Variants in HSPA4L observed in about 807,000 individuals in gnomAD.
HSPA4L encodes the protein heat shock protein family A (Hsp70) member 4 like.
A neutral mutation model predicts 100.3 loss-of-function variants in HSPA4L; 48 were observed. That is an observed-to-expected ratio of 0.48 (90% CI 0.38 to 0.61). HSPA4L has a LOEUF of 0.61. Among genes scored for constraint, HSPA4L ranks in the 20% least tolerant of loss-of-function variants. HSPA4L has a pLI of 0.00. For synonymous variants in HSPA4L, 319 were observed against 328.2 expected (o/e 0.97, Z 0.30); for missense variants, 886 against 988.6 (o/e 0.90, Z 1.39).
chr4:127,814,296 G>A (rs777843648), intron 12 of HSPA4L, among the ~76,000 whole-genome samples: 8 of 152,260 alleles, frequency 5.3e-5, no homozygotes, highest in Non-Finnish European at 1.0e-4. Flanking sequence ...GATAGGTGAT[G>A]TGTTCCTTAA....
intron 17 of HSPA4L, 98 bp from the exon 18 acceptor site, chr4:127,830,540 G>C: frequency 2.3e-6 from 2 of 867,644 alleles, no homozygotes; most frequent in Non-Finnish European, 3.4e-6. Flanking sequence ...GAGATATACA[G>C]TCAATAAGAG....
chr4:127,794,266 TTG>T (rs1732959539), intron 2 of HSPA4L, 132 bp downstream of exon 2: 1 of 535,648 alleles, frequency 1.9e-6, no homozygotes, highest in East Asian at 3.2e-5. Context: ...CATCTTTGTT[TTG>T]TTTTGTTTTG....
In HSPA4L at chr4:127,820,571, T is replaced by C. The variant is rs771622853; in HGVS notation, c.1812+6T>C. ...ACAGCTACATTGAAAATGAGGTATG[T>C]AAATCTGAGTTGATGCTGAAATAGG... On this transcript the variant is annotated splice_donor_region_variant and intron_variant, in intron 14 of 18. Coordinates refer to ENST00000296464, the MANE Select transcript of HSPA4L (RefSeq NM_014278.4). 1 of 1,591,496 alleles carries C rather than the reference T, an allele frequency of 6.3e-7. No individual in the cohort carries two copies. The highest frequency in any genetic ancestry group is 1.8e-5 in the Admixed American group (1 of 54,520).
intron 11 of HSPA4L, among the ~76,000 whole-genome samples, chr4:127,810,635 T>C (rs1457515346): frequency 1.3e-5 from 2 of 152,062 alleles, no homozygotes; most frequent in African/African-American, 4.8e-5. Flanking sequence ...ACCATGCACC[T>C]GTAGTCCCCG....
chr4:127,803,608 T>A (rs1733256290), intron 6 of HSPA4L, 21 bp from the exon 7 acceptor site: 1 of 1,545,234 alleles, frequency 6.5e-7, no homozygotes, highest in African/African-American at 1.4e-5. Flanking sequence ...AAAATACAGT[T>A]CTGCTTTTTC....
chr4:127,793,085 T>C (rs1208810162), intron 1 of HSPA4L, among the ~76,000 whole-genome samples: 6 of 152,160 alleles, frequency 3.9e-5, no homozygotes, highest in African/African-American at 1.2e-4. Context: ...TAGGGCACCA[T>C]TGGAGGATTA....
At position 127,840,096 on chromosome 4, in the gene HSPA4L, CTGTA is replaced by C. The variant is rs950939767; in HGVS notation, c.*7223_*7226del. On this transcript the variant is annotated 3_prime_UTR_variant, in exon 19 of 19. Transcript: ENST00000296464. The stretch of plus-strand genomic sequence containing the variant: ...TTAGCGGGGCCATGGTGACGTGCAC[CTGTA>C]ATCCCAGCTACTCGGGAGGCTGAGG... 1 of 152,154 alleles carries C rather than the reference CTGTA, an allele frequency of 6.6e-6. No homozygotes were observed. The highest frequency in any genetic ancestry group is 1.5e-5 in the Non-Finnish European group (1 of 68,084). 9.4% of individuals were successfully genotyped at this position (152,154 alleles called of 1,614,324 possible).
Position 127,805,814 on chromosome 4 carries a change from T to C in HSPA4L, c.1244+21T>C, listed in dbSNP as rs746183485. ...AGTGGGTAAGTTATTTTTAAAACCTTGATTAGAGCTTGTCATAAATCTTTA... is the reference window on the plus strand; with the variant it reads ...AGTGGGTAAGTTATTTTTAAAACCTCGATTAGAGCTTGTCATAAATCTTTA... On this transcript the variant is annotated intron_variant, in intron 10 of 18. Coordinates refer to ENST00000296464, the MANE Select transcript of HSPA4L (RefSeq NM_014278.4). 5 of 1,464,126 alleles carry C rather than the reference T, an allele frequency of 3.4e-6. No individual in the cohort carries two copies. In the Admixed American group the frequency reaches 6.8e-5, roughly 20 times the overall value. 90.7% of individuals were successfully genotyped at this position (1,464,126 alleles called of 1,614,324 possible). A position where few individuals can be genotyped will look rare whatever the true frequency, so the allele number is the denominator to read the frequency against.
chr4:127,788,772 A>G (rs1414719370), intron 1 of HSPA4L, among the ~76,000 whole-genome samples: 4 of 152,226 alleles, frequency 2.6e-5, no homozygotes, highest in African/African-American at 4.8e-5. Context: ...CCGACAGTGC[A>G]TTACAGTACA....
rs1257887666 is a variant in HSPA4L, at chr4:127,823,638, A to T, written c.2046+14A>T. On this transcript the variant is annotated intron_variant, in intron 16 of 18. Coordinates refer to ENST00000296464, the MANE Select transcript of HSPA4L (RefSeq NM_014278.4). ...CAAGAACTAAAGGTACATTTTTTTA[A>T]AGTCCATGTTAGTATAAACCAGTAA... The T allele has an allele frequency of 1.3e-6, 2 of 1,536,860 alleles. No homozygotes were observed. Among genetic ancestry groups the T allele is most frequent in the Non-Finnish European group, 1.8e-6 (2 of 1,110,216 alleles).
intron 14 of HSPA4L, among the ~76,000 whole-genome samples, chr4:127,821,371 T>A (rs899942097): frequency 6.6e-6 from 1 of 152,160 alleles, no homozygotes; most frequent in African/African-American, 2.4e-5. Context: ...AACTTTTGAA[T>A]GTCTCATTAT....
intron 15 of HSPA4L, 98 bp from the exon 16 acceptor site, chr4:127,823,419 G>T: frequency 2.6e-6 from 2 of 775,964 alleles, no homozygotes; most frequent in Non-Finnish European, 4.2e-6. Context: ...AAAGTGTTGG[G>T]ATTACAGGCA....
Position 127,823,628 on chromosome 4 carries a change from C to CCCCGTCTCTACTAAAAATACAAAAA in HSPA4L, c.2046+4_2046+5insCCCGTCTCTACTAAAAATACAAAAA. The CCCCGTCTCTACTAAAAATACAAAAA allele has an allele frequency of 1.3e-6, 2 of 1,590,638 alleles. No homozygotes were observed. Among genetic ancestry groups the CCCCGTCTCTACTAAAAATACAAAAA allele is most frequent in the Non-Finnish European group, 1.7e-6 (2 of 1,159,440 alleles). On this transcript the variant is annotated splice_donor_region_variant and intron_variant, in intron 16 of 18. Coordinates refer to ENST00000296464, the MANE Select transcript of HSPA4L (RefSeq NM_014278.4). ...GGATAAGCTTCAAGAACTAAAGGTA[C>CCCCGTCTCTACTAAAAATACAAAAA]ATTTTTTTAAAGTCCATGTTAGTAT...
intron 11 of HSPA4L, chr4:127,809,350 A>G (rs1733461413): frequency 2.6e-6 from 3 of 1,141,778 alleles, no homozygotes; most frequent in East Asian, 2.3e-5. Flanking sequence ...GAGCCGCAGT[A>G]TATTGCAGCC....
intron 1 of HSPA4L, among the ~76,000 whole-genome samples, chr4:127,782,937 G>T (rs985019924): frequency 6.6e-6 from 1 of 152,120 alleles, no homozygotes; most frequent in African/African-American, 2.4e-5. Context: ...TCGTGCCGCT[G>T]TCCCCCAACG....
Position 127,801,134 on chromosome 4 carries a change from C to T in HSPA4L, c.430-4C>T. On this transcript the variant is annotated splice_polypyrimidine_tract_variant and splice_region_variant and intron_variant, in intron 4 of 18. Transcript: ENST00000296464. Reference sequence around the variant, plus strand: ...TATACTTAACTGTTGTTTTTAAATACTAGATTCCTAGCTTTTTTACTGATG... The same window carrying T: ...TATACTTAACTGTTGTTTTTAAATATTAGATTCCTAGCTTTTTTACTGATG... The T allele has an allele frequency of 2.5e-6, 4 of 1,600,998 alleles. No homozygotes were observed. Among genetic ancestry groups the T allele is most frequent in the Non-Finnish European group, 3.4e-6 (4 of 1,172,956 alleles).
At chr4:127,784,303 G>C (rs908947494) in intron 1 of HSPA4L, among the ~76,000 whole-genome samples, 2 of 152,204 alleles carry the variant, frequency 1.3e-5, no homozygotes, top group African/African-American at 4.8e-5. Context: ...CAGTAAGAAA[G>C]ATCGATCTGC....
intron 15 of HSPA4L, 105 bp from the exon 16 acceptor site, chr4:127,823,412 G>C: frequency 1.4e-6 from 1 of 729,838 alleles, no homozygotes; most frequent in Non-Finnish European, 2.3e-6. Context: ...GCCTTTCAAA[G>C]TGTTGGGATT....
chr4:127,802,617 T>C (rs1347939719), intron 6 of HSPA4L, among the ~76,000 whole-genome samples: 1 of 152,208 alleles, frequency 6.6e-6, no homozygotes, highest in Admixed American at 6.5e-5. Flanking sequence ...AAGAACGTTT[T>C]TTTCCTTCCT....
Sources: gnomAD v4.1 joint callset for allele counts (sites outside exome capture counted in the v4.1 genomes callset) on GRCh38, gnomAD v4.1.1 for gene constraint, MANE v1.5 for transcripts, NCBI Gene and HGNC (gene_info 2026-07-23, HGNC 2026-07-21) for gene names.